PRICKLE2: variants seen among roughly 807,000 people sequenced by gnomAD.
PRICKLE2 encodes prickle-like protein 2.
PRICKLE2 carries 21 observed loss-of-function variants against 81.4 expected under a neutral mutation model. That is an observed-to-expected ratio of 0.26 (90% confidence interval 0.18 to 0.37). The LOEUF (loss-of-function observed/expected upper bound fraction) is 0.37, where lower values mean the gene tolerates loss of function less well. Ranked by LOEUF, PRICKLE2 falls within the 10% of genes least tolerant of loss-of-function variation. The pLI is 1.00. For missense variants in PRICKLE2, 940 were observed against 1,109.0 expected (o/e 0.85, Z 2.16); for synonymous variants, 456 against 421.5 (o/e 1.08, Z -1.00).
At chr3:64,238,225 A>G (rs1001429543) in intron 2 of PRICKLE2, among the ~76,000 whole-genome samples, 2 of 152,098 alleles carry the variant, frequency 1.3e-5, no homozygotes, top group Admixed American at 1.3e-4. Context: ...GGTGGCTCAC[A>G]CCCGTAATCC....
At chr3:64,205,150 A>G (rs903727367) in intron 1 of PRICKLE2, among the ~76,000 whole-genome samples, 2 of 151,144 alleles carry the variant, frequency 1.3e-5, no homozygotes, top group Non-Finnish European at 2.9e-5. Context: ...ATTCTGTCAG[A>G]GTTGACATTC....
intron 1 of PRICKLE2, among the ~76,000 whole-genome samples, chr3:64,219,607 G>A (rs1357590193): frequency 2.6e-5 from 4 of 152,162 alleles, no homozygotes; most frequent in African/African-American, 7.2e-5. Context: ...TCTGTTTCAA[G>A]TCTGACATAT....
chr3:64,135,844 C>T (rs2077270794), intron 7 of PRICKLE2, among the ~76,000 whole-genome samples: 1 of 152,188 alleles, frequency 6.6e-6, no homozygotes, highest in South Asian at 2.1e-4. Flanking sequence ...ATCAAACACA[C>T]AACAAACCAA....
intron 1 of PRICKLE2, among the ~76,000 whole-genome samples, chr3:64,206,196 T>G (rs1211444274): frequency 1.3e-5 from 2 of 152,166 alleles, no homozygotes; most frequent in East Asian, 3.8e-4. Context: ...ATTGGATAGG[T>G]CTGAGGCAGG....
At chr3:64,149,969 C>T (rs202103779) in intron 6 of PRICKLE2, among the ~76,000 whole-genome samples, 7 of 109,718 alleles carry the variant, frequency 6.4e-5, no homozygotes, top group East Asian at 3.2e-4. Context: ...TCAACTCCAT[C>T]TTTTTTTTTT....
rs552270449 is a variant in PRICKLE2 at position 64,192,016 on chromosome 3, C to T, written c.144+6768G>A. Among the ~76,000 whole-genome samples the T allele has an allele frequency of 4.6e-5, 7 of 152,372 alleles. No homozygotes were observed. In the East Asian group the frequency reaches 1.3e-3, roughly 29 times the overall value. On this transcript the variant is annotated intron_variant, in intron 2 of 7. Coordinates refer to ENST00000638394, the MANE Select transcript of PRICKLE2 (RefSeq NM_198859.4). ...ATGCAGCCGTTGGCAAGATGTCACC[C>T]TCTCTGGCCTTTTGCAACCTAAGCA...
chr3:64,236,961 G>C (rs976730772), intron 2 of PRICKLE2, among the ~76,000 whole-genome samples: 1 of 152,206 alleles, frequency 6.6e-6, no homozygotes, highest in Non-Finnish European at 1.5e-5. Flanking sequence ...GCATCTGAGT[G>C]AAATGGGATA....
At chr3:64,257,689 T>G (rs1162084270) in intron 2 of PRICKLE2, among the ~76,000 whole-genome samples, 1 of 152,092 alleles carries the variant, frequency 6.6e-6, no homozygotes, top group Non-Finnish European at 1.5e-5. Context: ...CAAGAGAATG[T>G]AGGCATGGCC....
intron 5 of PRICKLE2, among the ~76,000 whole-genome samples, chr3:64,156,652 T>C (rs1022884876): frequency 6.6e-6 from 1 of 152,128 alleles, no homozygotes; most frequent in African/African-American, 2.4e-5. Context: ...AAATGAAGTA[T>C]CCATCTGCCT....
chr3:64,115,412 C>G (rs1101540), intron 7 of PRICKLE2, among the ~76,000 whole-genome samples: 123,011 of 152,096 alleles, frequency 0.81, 50,338 homozygotes, highest in East Asian at 0.99. Context: ...TGGCAAGCTG[C>G]ATGAAGAACC....
chr3:64,250,343 A>C (rs1199010363), intron 2 of PRICKLE2, among the ~76,000 whole-genome samples: 1 of 152,122 alleles, frequency 6.6e-6, no homozygotes, highest in African/African-American at 2.4e-5. Flanking sequence ...TCATCTCCCA[A>C]ATTGTGACAA....
intron 1 of PRICKLE2, among the ~76,000 whole-genome samples, chr3:64,224,068 A>G (rs949159978): frequency 9.2e-5 from 14 of 152,148 alleles, no homozygotes; most frequent in African/African-American, 3.4e-4. Flanking sequence ...CTCACTGGGG[A>G]AATAATCTAT....
intron 7 of PRICKLE2, among the ~76,000 whole-genome samples, chr3:64,117,483 G>T (rs749436311): frequency 6.6e-6 from 1 of 152,116 alleles, no homozygotes; most frequent in Non-Finnish European, 1.5e-5. Context: ...TTCTTAAATT[G>T]ATAAACAACT....
chr3:64,115,461 C>A (rs1096261), intron 7 of PRICKLE2, among the ~76,000 whole-genome samples: 110,833 of 151,760 alleles, frequency 0.73, 41,963 homozygotes, highest in South Asian at 0.86. Context: ...GACCCATCTC[C>A]CATGCAGACA....
chr3:64,261,621 G>A (rs1486333685), intron 2 of PRICKLE2, among the ~76,000 whole-genome samples: 12 of 152,060 alleles, frequency 7.9e-5, no homozygotes, highest in Admixed American at 7.9e-4. Flanking sequence ...GATCTCAATG[G>A]TGAGAAGCTC....
intron 1 of PRICKLE2, among the ~76,000 whole-genome samples, chr3:64,218,512 CCT>C (rs1307715782): frequency 6.6e-6 from 1 of 152,206 alleles, no homozygotes; most frequent in Non-Finnish European, 1.5e-5. Context: ...AGTTATTCAA[CCT>C]CTCTGTGCTT....
At chr3:64,150,245 C>G (rs959903331) in intron 6 of PRICKLE2, among the ~76,000 whole-genome samples, 1 of 151,964 alleles carries the variant, frequency 6.6e-6, no homozygotes, top group Non-Finnish European at 1.5e-5. Flanking sequence ...AAGATGCTGA[C>G]GGCCATCTGC....
chr3:64,158,879 C>T (rs1378133740), intron 4 of PRICKLE2, among the ~76,000 whole-genome samples: 1 of 152,218 alleles, frequency 6.6e-6, no homozygotes, highest in Non-Finnish European at 1.5e-5. Flanking sequence ...ATGACATCTG[C>T]TTCCCTTGGG....
At chr3:64,168,484 G>A (rs1328663081) in intron 2 of PRICKLE2, among the ~76,000 whole-genome samples, 1 of 152,182 alleles carries the variant, frequency 6.6e-6, no homozygotes, top group Non-Finnish European at 1.5e-5. Flanking sequence ...ACCACGGGTT[G>A]GACAAGCCTG....
Sources: allele counts gnomAD v4.1 joint callset (sites outside exome capture counted in the v4.1 genomes callset), GRCh38; gene constraint gnomAD v4.1.1; transcripts MANE v1.5; gene names NCBI Gene and HGNC (gene_info 2026-07-23, HGNC 2026-07-21).